Variants in PACRG observed in about 807,000 individuals in gnomAD.
The protein encoded by PACRG is parkin coregulated gene protein.
Under a neutral mutation model 29.7 loss-of-function variants are expected in PACRG, and 29 were observed. The observed-to-expected ratio is 0.98, with a 90% confidence interval of 0.73 to 1.33. PACRG has a LOEUF of 1.33. Among genes scored for constraint, PACRG ranks in the 40% most tolerant of loss-of-function variants. The probability of loss-of-function intolerance (pLI) is 0.00; values close to 1 mark genes in which losing one functional copy is unlikely to be tolerated. For synonymous variants in PACRG, 116 were observed against 118.7 expected, an observed-to-expected ratio of 0.98 and a Z score of 0.15; for missense variants, 279 against 316.2, an observed-to-expected ratio of 0.88 and a Z score of 0.89.
intron 1 of PACRG, among the ~76,000 whole-genome samples, chr6:162,779,894 A>T (rs1783958541): frequency 6.6e-6 from 1 of 152,212 alleles, no homozygotes; most frequent in Admixed American, 6.5e-5. Flanking sequence ...TGGGAAACAG[A>T]TGAGGTGAGA....
At chr6:162,995,859 T>A (rs1293967453) in intron 2 of PACRG, among the ~76,000 whole-genome samples, 1 of 152,194 alleles carries the variant, frequency 6.6e-6, no homozygotes, top group African/African-American at 2.4e-5. Context: ...TTAAATTGTT[T>A]CCATATCTTG....
chr6:162,727,352 C>A, upstream of PACRG: 2 of 434,170 alleles, frequency 4.6e-6, no homozygotes, highest in Non-Finnish European at 4.1e-6. Context: ...CTTCGGGACC[C>A]CACACGGTCC....
intron 4 of PACRG, among the ~76,000 whole-genome samples, chr6:163,213,761 A>C (rs958401649): frequency 6.6e-6 from 1 of 152,194 alleles, no homozygotes; most frequent in African/African-American, 2.4e-5. Context: ...ACCCCCACTT[A>C]AAGTTTACAA....
intron 4 of PACRG, among the ~76,000 whole-genome samples, chr6:163,155,125 C>G (rs1346719451): frequency 6.6e-6 from 1 of 152,242 alleles, no homozygotes; most frequent in East Asian, 1.9e-4. Context: ...CTCAAATCAA[C>G]TGCTGCGAAG....
At chr6:163,189,440 T>A (rs1780102117) in intron 4 of PACRG, 1 of 152,250 alleles carries the variant, frequency 6.6e-6, no homozygotes, top group African/African-American at 2.4e-5. Context: ...TGGATGTTTA[T>A]TACATAACCT....
At position 162,888,390 on chromosome 6, in the gene PACRG, C is replaced by T. The variant is rs577726828; in HGVS notation, c.291+74109C>T. Among the ~76,000 whole-genome samples the T allele has an allele frequency of 7.2e-4, 110 of 152,256 alleles. 1 individual carries two copies. The highest frequency in any genetic ancestry group is 2.2e-3 in the Admixed American group (34 of 15,306). On this transcript the variant is annotated intron_variant, in intron 2 of 4. Coordinates refer to ENST00000366888, the MANE Select transcript of PACRG (RefSeq NM_001080379.2). ...GAGCTCCAGGAAACTCTAGTCTCTG[C>T]CCTCCTCTTGCATCCGTAGGATCGC...
chr6:162,773,734 C>T (rs7765372), intron 1 of PACRG, among the ~76,000 whole-genome samples: 54,363 of 151,470 alleles, frequency 0.36, 11,197 homozygotes, highest in South Asian at 0.62. Context: ...CCAGGATGGT[C>T]TCGATCTCCT....
chr6:163,203,528 T>C (rs1000357950), intron 4 of PACRG, among the ~76,000 whole-genome samples: 6 of 152,348 alleles, frequency 3.9e-5, no homozygotes, highest in African/African-American at 1.4e-4. Context: ...AGAAACTTTG[T>C]TTGCCTCGGG....
chr6:162,914,382 G>C (rs755770571), intron 2 of PACRG, among the ~76,000 whole-genome samples: 1 of 151,910 alleles, frequency 6.6e-6, no homozygotes, highest in Non-Finnish European at 1.5e-5. Flanking sequence ...TAGAATAGAC[G>C]GTCCAGAAGT....
chr6:162,747,734 A>G (rs943276963), intron 1 of PACRG, among the ~76,000 whole-genome samples: 5 of 151,956 alleles, frequency 3.3e-5, no homozygotes, highest in Middle Eastern at 6.8e-3. Context: ...GTTTAAGGTG[A>G]TTTCACATAG....
chr6:163,307,751 T>G (rs1785241744), intron 4 of PACRG, among the ~76,000 whole-genome samples: 1 of 152,060 alleles, frequency 6.6e-6, no homozygotes, highest in South Asian at 2.1e-4. Context: ...AAAAATAGAG[T>G]GAAAGAAGCA....
At chr6:163,262,868 C>G (rs963484900) in intron 4 of PACRG, among the ~76,000 whole-genome samples, 2 of 112,422 alleles carry the variant, frequency 1.8e-5, no homozygotes, top group Non-Finnish European at 1.7e-5. Context: ...ATAGTGAGAC[C>G]CCCCCCCCCA....
chr6:162,985,878 G>A (rs1802842327), intron 2 of PACRG, among the ~76,000 whole-genome samples: 1 of 151,982 alleles, frequency 6.6e-6, no homozygotes, highest in Non-Finnish European at 1.5e-5. Context: ...CAAAATTAAT[G>A]TACACAAGTC....
At chr6:163,202,733 A>C (rs184764995) in intron 4 of PACRG, among the ~76,000 whole-genome samples, 1,534 of 151,384 alleles carry the variant, frequency 0.01, 27 homozygotes, top group African/African-American at 0.035. Flanking sequence ...ATCCATACCA[A>C]AAAAAAGTAA....
At chr6:162,835,875 A>G (rs1696471926) in intron 2 of PACRG, among the ~76,000 whole-genome samples, 1 of 152,190 alleles carries the variant, frequency 6.6e-6, no homozygotes, top group Non-Finnish European at 1.5e-5. Flanking sequence ...AATGAAAAGA[A>G]TCATACGATT....
At chr6:163,249,586 A>C (rs1435047018) in intron 4 of PACRG, among the ~76,000 whole-genome samples, 1 of 152,222 alleles carries the variant, frequency 6.6e-6, no homozygotes, top group Non-Finnish European at 1.5e-5. Context: ...GTGCCTGCTT[A>C]CATTCCTGGT....
intron 2 of PACRG, among the ~76,000 whole-genome samples, chr6:163,040,773 C>T (rs1808620321): frequency 6.6e-6 from 1 of 152,172 alleles, no homozygotes; most frequent in Admixed American, 6.5e-5. Flanking sequence ...GGAACATTTA[C>T]CCAATGCCTG....
intron 1 of PACRG, among the ~76,000 whole-genome samples, chr6:162,783,689 A>G (rs1040794931): frequency 6.6e-6 from 1 of 152,006 alleles, no homozygotes; most frequent in African/African-American, 2.4e-5. Flanking sequence ...CAGACTTTCT[A>G]ATTATCTCAT....
At chr6:162,893,520 G>A (rs1794942139) in intron 2 of PACRG, among the ~76,000 whole-genome samples, 1 of 152,150 alleles carries the variant, frequency 6.6e-6, no homozygotes, top group Non-Finnish European at 1.5e-5. Flanking sequence ...CAACTTGGGG[G>A]TGCCAGCAAT....
Sources: allele counts gnomAD v4.1 joint callset (sites outside exome capture counted in the v4.1 genomes callset), GRCh38; gene constraint gnomAD v4.1.1; transcripts MANE v1.5; gene names NCBI Gene and HGNC (gene_info 2026-07-23, HGNC 2026-07-21).